MATN1: variants seen among roughly 807,000 people sequenced by gnomAD.
MATN1 encodes matrilin 1, also known as matrilin-1.
A neutral mutation model predicts 41.3 loss-of-function variants in MATN1; 34 were observed. That is an observed-to-expected ratio of 0.82 (90% CI 0.63 to 1.10). The LOEUF (loss-of-function observed/expected upper bound fraction) is 1.10. Among genes scored for constraint, MATN1 ranks in the 50% least tolerant of loss-of-function variants. MATN1 has a pLI of 0.00. For missense variants in MATN1, 602 were observed against 662.4 expected, an observed-to-expected ratio of 0.91 and a Z score of 1.00; for synonymous variants, 264 against 278.7, an observed-to-expected ratio of 0.95 and a Z score of 0.53.
chr1:30,715,056 C>A (rs1569826704), intron 6 of MATN1, 101 bp downstream of exon 6: 9 of 1,427,032 alleles, frequency 6.3e-6, no homozygotes, highest in Non-Finnish European at 8.7e-6. Context: ...GGTGCCACCT[C>A]GGCCCCTGCT....
At chr1:30,719,030 C>G (rs1189854469) in intron 2 of MATN1, 73 bp from the exon 3 acceptor site, 2 of 1,179,724 alleles carry the variant, frequency 1.7e-6, no homozygotes, top group African/African-American at 3.2e-5. Flanking sequence ...GAGGCTGAGG[C>G]CCGGAGAGGC....
intron 6 of MATN1, 51 bp downstream of exon 6, chr1:30,715,106 C>T (rs774175910): frequency 6.2e-7 from 1 of 1,600,742 alleles, no homozygotes; most frequent in Admixed American, 1.7e-5. Context: ...GCTCCACCTC[C>T]ACAGTGCCCC....
rs772231489 is a variant in MATN1 at position 30,716,829 on chromosome 1, C to A, written c.751G>T (p.Glu251Ter). ...CCGTCGCTGTTCAGAGTGAAGCCCT[C>A]GTGGCAGGCGCAGGTGTAGGAACCG... ...SPGSYTCACH[E>*]GFTLNSDGKT... is the part of the protein sequence containing the mutation. Residue 251 changes from glutamate (E) to a stop codon, truncating the protein, a stop_gained, in exon 4 of 8, where the codon GAG becomes TAG. Coordinates refer to ENST00000373765, the MANE Select transcript of MATN1 (RefSeq NM_002379.3). LOFTEE classifies it high-confidence loss of function. 6.2e-7 allele frequency: 1 copy of A among 1,614,012 alleles called. No individual in the cohort carries two copies. Among genetic ancestry groups the A allele is most frequent in the Admixed American group, 1.7e-5 (1 of 60,020 alleles).
Position 30,715,325 on chromosome 1 carries a change from G to A in MATN1, c.1208-16C>T, listed in dbSNP as rs745808114. ...ATCTTAAAGCCTGCCAGGAGGAACAGGAGAAGTAAGGCTGGACATGGGGAT... is the reference window on the plus strand; with the variant it reads ...ATCTTAAAGCCTGCCAGGAGGAACAAGAGAAGTAAGGCTGGACATGGGGAT... On this transcript the variant is annotated splice_polypyrimidine_tract_variant and intron_variant, in intron 5 of 7. Transcript: ENST00000373765. 6.8e-6 allele frequency: 11 copies of A among 1,613,410 alleles called. No individual in the cohort carries two copies. The African/African-American group carries it at 1.2e-4, about 18-fold the overall frequency.
intron 2 of MATN1, chr1:30,720,083 A>G (rs1371662084): frequency 6.9e-6 from 1 of 145,328 alleles, no homozygotes; most frequent in African/African-American, 2.5e-5. Flanking sequence ...CCTGGCTCTG[A>G]AAATCTAGCT....
At chr1:30,721,810 C>G in intron 1 of MATN1, 59 bp from the exon 2 acceptor site, 1 of 1,410,672 alleles carries the variant, frequency 7.1e-7, no homozygotes, top group Non-Finnish European at 9.8e-7. Context: ...GGGACTGGGC[C>G]TGAACACACA....
chr1:30,714,285 G>A lies in MATN1; in HGVS notation c.1403C>T (p.Ala468Val), dbSNP rs767134622. 10 of 1,611,448 alleles carry A rather than the reference G, an allele frequency of 6.2e-6. No homozygotes were observed. The highest frequency in any genetic ancestry group is 7.6e-6 in the Non-Finnish European group (9 of 1,178,822). The change falls in exon 7 of 8, where the codon GCC (alanine) becomes GTC (valine). Residue 468 changes from alanine (A) to valine (V), a missense_variant. Coordinates refer to ENST00000373765, the MANE Select transcript of MATN1 (RefSeq NM_002379.3). The stretch of plus-strand genomic sequence containing the variant: ...GGCCTGCAGCAGCCCCTCCACTTTG[G>A]CTTGGAATTTCACCAGGGACTCGCA... ...CACESLVKFQAKVEGLLQALT... is the reference protein window; with the variant it reads ...CACESLVKFQVKVEGLLQALT...
chr1:30,715,802 G>T, intron 5 of MATN1, 107 bp downstream of exon 5: 1 of 1,149,726 alleles, frequency 8.7e-7, no homozygotes. Flanking sequence ...AACTCACCTG[G>T]GTTTAGGGCA....
At chr1:30,715,446 G>T in intron 5 of MATN1, 137 bp from the exon 6 acceptor site, 1 of 749,022 alleles carries the variant, frequency 1.3e-6, no homozygotes, top group Non-Finnish European at 2.2e-6. Context: ...CACAATGCCT[G>T]GAACAAGGAC....
chr1:30,723,406 A>C (rs1488699297), intron 1 of MATN1, 52 bp downstream of exon 1: 10 of 1,343,062 alleles, frequency 7.4e-6, no homozygotes, highest in Non-Finnish European at 9.9e-6. Flanking sequence ...CCCAGTGCTG[A>C]GGGTCAGGGC....
Position 30,711,322 on chromosome 1 carries a change from T to C in MATN1, c.*2260A>G, listed in dbSNP as rs937916197. The C allele has an allele frequency of 7.9e-5, 12 of 152,184 alleles. No individual in the cohort carries two copies. Among genetic ancestry groups the C allele is most frequent in the African/African-American group, 2.4e-4 (10 of 41,426 alleles). 9.4% of individuals were successfully genotyped at this position (152,184 alleles called of 1,614,324 possible). A position where few individuals can be genotyped will look rare whatever the true frequency, so the allele number is the denominator to read the frequency against. On this transcript the variant is annotated 3_prime_UTR_variant, in exon 8 of 8. Coordinates refer to ENST00000373765, the MANE Select transcript of MATN1 (RefSeq NM_002379.3). ...TATACAAAATTCAAAAAAACAAAAT[T>C]ACAGGTTACAAAGTAACTTGCCATC...
intron 1 of MATN1, among the ~76,000 whole-genome samples, chr1:30,722,329 G>A (rs1639706728): frequency 6.6e-6 from 1 of 152,242 alleles, no homozygotes; most frequent in South Asian, 2.1e-4. Context: ...CCCTCAGCCT[G>A]GCAGCGCCTG....
rs770895153 is a variant in MATN1, at chr1:30,715,205, T to G, written c.1312A>C (p.Lys438Gln). ...AEHYFYTADFKTINQIGKKLQ... is the reference protein window; with the variant it reads ...AEHYFYTADFQTINQIGKKLQ... ...TTCTTGCCTATCTGGTTGATGGTCT[T>G]GAAGTCAGCCGTGTAGAAGTAGTGC... is the stretch of plus-strand genomic sequence containing the variant. The change falls in exon 6 of 8, where the codon AAG (lysine) becomes CAG (glutamine). Residue 438 changes from lysine to glutamine, a missense_variant. By Grantham distance (53) the Lys-to-Gln change is moderately conservative. Coordinates refer to ENST00000373765, the MANE Select transcript of MATN1 (RefSeq NM_002379.3). 3.7e-6 allele frequency: 6 copies of G among 1,614,236 alleles called. No individual in the cohort carries two copies. Among genetic ancestry groups the G allele is most frequent in the Non-Finnish European group, 1.7e-6 (2 of 1,180,042 alleles).
At position 30,721,711 on chromosome 1, in the gene MATN1, A is replaced by G. The variant is rs1192651973; in HGVS notation, c.135T>C (p.Val45=). The G allele has an allele frequency of 6.2e-7, 1 of 1,612,710 alleles. No homozygotes were observed. The highest frequency in any genetic ancestry group is 1.3e-5 in the African/African-American group (1 of 74,948). The change falls in exon 2 of 8, where the codon GTT becomes GTC. Residue 45 remains valine (V), a synonymous_variant. Coordinates refer to ENST00000373765, the MANE Select transcript of MATN1 (RefSeq NM_002379.3). ...CRTRPTDLVF[V]VDSSRSVRPV... ...GCCGAACGCTGCGAGAGCTGTCGAC[A>G]ACAAACACCAGGTCTGTGGGCCGCG...
rs1466724962 is a variant in MATN1 at position 30,712,150 on chromosome 1, T to C, written c.*1432A>G. 2 of 152,190 alleles carry C rather than the reference T, an allele frequency of 1.3e-5. No homozygotes were observed. Among genetic ancestry groups the C allele is most frequent in the African/African-American group, 2.4e-5 (1 of 41,436 alleles). The allele number at this position is 152,190 out of a possible 1,614,324, so 9.4% of individuals were successfully genotyped here. On this transcript the variant is annotated 3_prime_UTR_variant, in exon 8 of 8. Coordinates refer to ENST00000373765, the MANE Select transcript of MATN1 (RefSeq NM_002379.3). ...TTAGACATGCTCTCAAGTGTGAATC[T>C]AGTAGTAACACTAAAAATGCTCCAT...
At position 30,711,769 on chromosome 1, in the gene MATN1, G is replaced by A. The variant is rs1639546311; in HGVS notation, c.*1813C>T. 6.6e-6 allele frequency: 1 copy of A among 152,224 alleles called. No individual in the cohort carries two copies. Among genetic ancestry groups the A allele is most frequent in the Non-Finnish European group, 1.5e-5 (1 of 68,058 alleles). 9.4% of individuals were successfully genotyped at this position (152,224 alleles called of 1,614,324 possible). A position where few individuals can be genotyped will look rare whatever the true frequency, so the allele number is the denominator to read the frequency against. ...GAGCCTTCTCAGTCCATATCAACAT[G>A]GCTGCCTCTCCCCCTCCCCACCTGT... On this transcript the variant is annotated 3_prime_UTR_variant, in exon 8 of 8. Transcript: ENST00000373765.
At chr1:30,722,334 C>T (rs536554519) in intron 1 of MATN1, among the ~76,000 whole-genome samples, 10 of 152,366 alleles carry the variant, frequency 6.6e-5, no homozygotes, top group African/African-American at 2.4e-4. Context: ...AGCCTGGCAG[C>T]GCCTGCTGGC....
In MATN1 at chr1:30,713,529, T is replaced by C; in HGVS notation, c.*53A>G. 6.5e-7 allele frequency: 1 copy of C among 1,541,572 alleles called. No homozygotes were observed. The highest frequency in any genetic ancestry group is 1.4e-5 in the African/African-American group (1 of 72,934). On this transcript the variant is annotated 3_prime_UTR_variant, in exon 8 of 8. Coordinates refer to ENST00000373765, the MANE Select transcript of MATN1 (RefSeq NM_002379.3). ...GCTTCCCTCACTAAAATGGTAAAGCTACGGCGGACACGTGCAGGACGCTTG... is the reference window on the plus strand; with the variant it reads ...GCTTCCCTCACTAAAATGGTAAAGCCACGGCGGACACGTGCAGGACGCTTG...
At chr1:30,718,672 C>T in intron 3 of MATN1, 63 bp downstream of exon 3, 2 of 1,342,758 alleles carry the variant, frequency 1.5e-6, no homozygotes, top group Non-Finnish European at 2.0e-6. Context: ...CAGCCCTGGC[C>T]CCGCCCCGCC....
Sources: gnomAD v4.1 joint callset for allele counts (sites outside exome capture counted in the v4.1 genomes callset) on GRCh38, gnomAD v4.1.1 for gene constraint, MANE v1.5 for transcripts, NCBI Gene and HGNC (gene_info 2026-07-23, HGNC 2026-07-21) for gene names.